The following HPSE2 variants were observed in gnomAD, a reference collection of about 807,000 sequenced individuals.
HPSE2 encodes the protein heparanase 2 (inactive).
A neutral mutation model predicts 60.5 loss-of-function variants in HPSE2; 38 were observed. That is an observed-to-expected ratio of 0.63 (90% CI 0.48 to 0.82). HPSE2 has a LOEUF of 0.82. Ranked by LOEUF, HPSE2 falls within the 40% of genes least tolerant of loss-of-function variation. The probability of loss-of-function intolerance (pLI) is 0.00; values close to 1 mark genes in which losing one functional copy is unlikely to be tolerated. For synonymous variants in HPSE2, 295 were observed against 293.2 expected (o/e 1.01, Z -0.06); for missense variants, 713 against 740.4 (o/e 0.96, Z 0.43).
intron 3 of HPSE2, among the ~76,000 whole-genome samples, chr10:99,054,600 C>G (rs1011479170): frequency 6.6e-6 from 1 of 152,186 alleles, no homozygotes; most frequent in African/African-American, 2.4e-5. Context: ...ACCAAGCCCA[C>G]AATAGTTTAA....
intron 9 of HPSE2, among the ~76,000 whole-genome samples, chr10:98,543,953 T>C (rs896979204): frequency 4.7e-5 from 7 of 149,718 alleles, no homozygotes; most frequent in African/African-American, 1.7e-4. Context: ...TACCCAGGAA[T>C]TGAACTCAGC....
intron 1 of HPSE2, among the ~76,000 whole-genome samples, chr10:99,234,693 T>C (rs1849780209): frequency 6.6e-6 from 1 of 152,148 alleles, no homozygotes; most frequent in African/African-American, 2.4e-5. Context: ...CCGGGTTTGC[T>C]AATCTGCTGG....
intron 2 of HPSE2, among the ~76,000 whole-genome samples, chr10:99,221,451 T>G (rs1314247757): frequency 6.6e-6 from 1 of 152,136 alleles, no homozygotes; most frequent in African/African-American, 2.4e-5. Context: ...CAAGTTTACA[T>G]GAACATTCAC....
rs986773384 is a variant in HPSE2, at chr10:98,652,976, G to A, written c.1005-11036C>T. On this transcript the variant is annotated intron_variant, in intron 6 of 11. Coordinates refer to ENST00000370552, the MANE Select transcript of HPSE2 (RefSeq NM_021828.5). Reference sequence around the variant, plus strand: ...TTCTTTCATCTACCTAGGTTTTTAAGCCTAGATCAAGGATGGCTAATAACT... The same window carrying A: ...TTCTTTCATCTACCTAGGTTTTTAAACCTAGATCAAGGATGGCTAATAACT... Among the ~76,000 whole-genome samples the A allele has an allele frequency of 5.9e-5, 9 of 152,190 alleles. No individual in the cohort carries two copies. The East Asian group carries it at 1.5e-3, about 26-fold the overall frequency.
the HPSE2 span, among the ~76,000 whole-genome samples, chr10:99,288,814 A>G: frequency 2.0e-5 from 3 of 151,976 alleles, no homozygotes. Context: ...TTGAGGAAAC[A>G]TAATGGAGAA....
chr10:98,493,855 T>G (rs1474725566), intron 9 of HPSE2, among the ~76,000 whole-genome samples: 1 of 152,216 alleles, frequency 6.6e-6, no homozygotes, highest in African/African-American at 2.4e-5. Context: ...AGCTTTTTTG[T>G]ACCTCCTTTC....
intron 7 of HPSE2, among the ~76,000 whole-genome samples, chr10:98,639,581 T>C (rs1946584968): frequency 6.6e-6 from 1 of 152,218 alleles, no homozygotes; most frequent in Admixed American, 6.5e-5. Flanking sequence ...TTTAAAGATC[T>C]GAATACCAAT....
intron 3 of HPSE2, among the ~76,000 whole-genome samples, chr10:98,850,764 T>C (rs1293787195): frequency 2.8e-5 from 4 of 142,854 alleles, no homozygotes; most frequent in African/African-American, 1.0e-4. Context: ...AAAAAGGAAC[T>C]ATTAGTTTAA....
chr10:99,062,262 G>A (rs1842468611), intron 3 of HPSE2, among the ~76,000 whole-genome samples: 1 of 152,038 alleles, frequency 6.6e-6, no homozygotes, highest in Admixed American at 6.6e-5. Context: ...GCTAGGAGGT[G>A]GATGCCAGTT....
intron 9 of HPSE2, among the ~76,000 whole-genome samples, chr10:98,568,638 G>A (rs1944411882): frequency 6.6e-6 from 1 of 152,122 alleles, no homozygotes; most frequent in Admixed American, 6.6e-5. Flanking sequence ...TTCTCTCTAG[G>A]TCCAACAACT....
At chr10:99,266,809 T>G in the HPSE2 span, among the ~76,000 whole-genome samples, 2 of 152,150 alleles carry the variant, frequency 1.3e-5, no homozygotes, top group Admixed American at 6.5e-5. Context: ...ACCTGAAGAT[T>G]GTTCACATCA....
intron 5 of HPSE2, among the ~76,000 whole-genome samples, chr10:98,715,167 C>T (rs1948761345): frequency 6.6e-6 from 1 of 151,820 alleles, no homozygotes; most frequent in African/African-American, 2.4e-5. Context: ...TGTCATTCGA[C>T]ACACAAAAGT....
intron 9 of HPSE2, among the ~76,000 whole-genome samples, chr10:98,562,491 C>T (rs1009478149): frequency 1.3e-5 from 2 of 151,630 alleles, no homozygotes; most frequent in African/African-American, 2.4e-5. Flanking sequence ...CTGAGGCGGG[C>T]GGATCACAAG....
chr10:98,584,746 T>C (rs1490968118), intron 9 of HPSE2, among the ~76,000 whole-genome samples: 1 of 152,204 alleles, frequency 6.6e-6, no homozygotes, highest in Admixed American at 6.5e-5. Flanking sequence ...TTAGATAGTG[T>C]TTTCTCCACC....
At chr10:99,210,842 T>C (rs4450116) in intron 2 of HPSE2, among the ~76,000 whole-genome samples, 23,830 of 152,136 alleles carry the variant, frequency 0.16, 3,057 homozygotes, top group African/African-American at 0.35. Flanking sequence ...TCGAAAGCTC[T>C]TCTGCTAAGA....
chr10:98,689,671 G>A (rs1565081375), intron 6 of HPSE2, among the ~76,000 whole-genome samples: 1 of 151,882 alleles, frequency 6.6e-6, no homozygotes, highest in Non-Finnish European at 1.5e-5. Flanking sequence ...TTTTTTTATT[G>A]TATGTAGCAT....
At chr10:98,918,949 T>C (rs1415420903) in intron 3 of HPSE2, among the ~76,000 whole-genome samples, 1 of 152,098 alleles carries the variant, frequency 6.6e-6, no homozygotes, top group African/African-American at 2.4e-5. Flanking sequence ...ATTTATTGAG[T>C]ACCTCTCATG....
chr10:99,002,841 T>A (rs2135378048), intron 3 of HPSE2, among the ~76,000 whole-genome samples: 1 of 152,226 alleles, frequency 6.6e-6, no homozygotes, highest in Non-Finnish European at 1.5e-5. Context: ...GTGGAATGGA[T>A]CAACTAAGCT....
rs1257481993 is a variant in HPSE2 at position 98,868,074 on chromosome 10, AAAGAAAATAAAT to A, written c.611-124030_611-124019del. Among the ~76,000 whole-genome samples, 233 of 104,870 alleles carry A rather than the reference AAAGAAAATAAAT, an allele frequency of 2.2e-3. 2 individuals carry two copies. The highest frequency in any genetic ancestry group is 6.9e-3 in the African/African-American group (186 of 26,768). 68.8% of individuals were successfully genotyped at this position (104,870 alleles called of 152,430 possible). ...CTCCATCTCCACAAAAAAAAGAAAG[AAAGAAAATAAAT>A]AAATAAATAAATAAATAAATAAATA... On this transcript the variant is annotated intron_variant, in intron 3 of 11. Transcript: ENST00000370552.
Sources: allele counts gnomAD v4.1 joint callset (sites outside exome capture counted in the v4.1 genomes callset), GRCh38; gene constraint gnomAD v4.1.1; transcripts MANE v1.5; gene names NCBI Gene and HGNC (gene_info 2026-07-23, HGNC 2026-07-21).